Variants in TNIK observed in about 807,000 individuals in gnomAD.
TNIK encodes TRAF2 and NCK interacting kinase.
Under a neutral mutation model 191.3 loss-of-function variants are expected in TNIK, and 49 were observed. The observed-to-expected ratio is 0.26, with a 90% CI of 0.20 to 0.32. TNIK has a LOEUF of 0.32. Among genes scored for constraint, TNIK ranks in the 10% least tolerant of loss-of-function variants. TNIK has a pLI of 1.00. For missense variants in TNIK, 1,155 were observed against 1,702.3 expected, an observed-to-expected ratio of 0.68 and a Z score of 5.66; for synonymous variants, 594 against 600.9, an observed-to-expected ratio of 0.99 and a Z score of 0.17.
At chr3:171,163,053 A>G (rs943884490) in intron 10 of TNIK, among the ~76,000 whole-genome samples, 5 of 152,150 alleles carry the variant, frequency 3.3e-5, no homozygotes, top group African/African-American at 9.7e-5. Context: ...GGAAAAGGAC[A>G]CTCTAAGCAA....
intron 1 of TNIK, among the ~76,000 whole-genome samples, chr3:171,379,242 AT>A (rs1213139305): frequency 1.3e-5 from 2 of 152,222 alleles, no homozygotes; most frequent in East Asian, 3.8e-4. Flanking sequence ...GTTCAAAATT[AT>A]TTCCTTACAG....
intron 12 of TNIK, among the ~76,000 whole-genome samples, chr3:171,146,168 G>A (rs1409086018): frequency 6.6e-6 from 1 of 152,178 alleles, no homozygotes; most frequent in African/African-American, 2.4e-5. Flanking sequence ...AGCGCTGGAT[G>A]CCATGTTGTG....
intron 2 of TNIK, among the ~76,000 whole-genome samples, chr3:171,347,978 C>T (rs576779121): frequency 4.5e-4 from 68 of 150,676 alleles, no homozygotes; most frequent in Admixed American, 1.6e-3. Context: ...TGTGTAGATT[C>T]TTCTACCATC....
intron 23 of TNIK, among the ~76,000 whole-genome samples, 184 bp from the exon 24 acceptor site, chr3:171,087,690 A>T (rs1721549605): frequency 1.3e-5 from 2 of 152,228 alleles, no homozygotes; most frequent in Admixed American, 1.3e-4. Context: ...GCCAATATTT[A>T]GTTTATGGAT....
At chr3:171,222,618 T>C (rs1742495055) in intron 3 of TNIK, among the ~76,000 whole-genome samples, 1 of 152,158 alleles carries the variant, frequency 6.6e-6, no homozygotes, top group African/African-American at 2.4e-5. Context: ...TGAAAAGATT[T>C]TTCTTTTCTT....
chr3:171,229,190 A>T (rs897874053), intron 2 of TNIK, among the ~76,000 whole-genome samples: 1 of 152,208 alleles, frequency 6.6e-6, no homozygotes, highest in Admixed American at 6.5e-5. Flanking sequence ...CATGTATACA[A>T]AGTACTTGAC....
At chr3:171,335,608 T>C (rs1379475573) in intron 2 of TNIK, among the ~76,000 whole-genome samples, 1 of 152,242 alleles carries the variant, frequency 6.6e-6, no homozygotes, top group Non-Finnish European at 1.5e-5. Flanking sequence ...AGCTCATTCA[T>C]TTTTATTGTT....
rs573695892 is a variant in TNIK at position 171,161,603 on chromosome 3, T to A, written c.950-267A>T. ...TTAAAAAATAATTTTTTAATTTTTT[T>A]ATTAATTTAATTTCAATTAAAAATA... is the stretch of plus-strand genomic sequence containing the variant. On this transcript the variant is annotated intron_variant, in intron 10 of 32. Coordinates refer to ENST00000436636, the MANE Select transcript of TNIK (RefSeq NM_015028.4). Among the ~76,000 whole-genome samples, 7 of 152,316 alleles carry A rather than the reference T, an allele frequency of 4.6e-5. No homozygotes were observed. The East Asian group carries it at 1.2e-3, about 25-fold the overall frequency.
intron 6 of TNIK, among the ~76,000 whole-genome samples, chr3:171,190,015 T>A (rs7374969): frequency 6.6e-6 from 1 of 152,320 alleles, no homozygotes; most frequent in South Asian, 2.1e-4. Flanking sequence ...GGACAGCGAT[T>A]CTTTTCTAGA....
At chr3:171,307,556 C>CT (rs1454079800) in intron 2 of TNIK, among the ~76,000 whole-genome samples, 2 of 152,126 alleles carry the variant, frequency 1.3e-5, no homozygotes, top group Non-Finnish European at 1.5e-5. Flanking sequence ...AGTTTTCTTA[C>CT]TTTTTTACCA....
Position 171,110,792 on chromosome 3 carries a change from G to C in TNIK, c.2206C>G (p.Pro736Ala), listed in dbSNP as rs373165373. ...CCTTGGGAGCTGGGCTGGGAGCTAG[G>C]GGTGCTGGAGCTGGAGGAACTGCCA... ...SSGSSSSSST[P>A]SSQPSSQGGS... Residue 736 changes from proline (P) to alanine (A), a missense_variant, in exon 19 of 33, where the codon CCT (proline) becomes GCT (alanine). Physicochemically the swap from Pro to Ala is conservative, Grantham distance 27. Coordinates refer to ENST00000436636, the MANE Select transcript of TNIK (RefSeq NM_015028.4). The C allele has an allele frequency of 2.5e-6, 4 of 1,604,162 alleles. No homozygotes were observed. Among genetic ancestry groups the C allele is most frequent in the African/African-American group, 1.3e-5 (1 of 74,760 alleles).
intron 16 of TNIK, among the ~76,000 whole-genome samples, chr3:171,127,938 A>G (rs759904681): frequency 2.6e-5 from 4 of 152,130 alleles, no homozygotes; most frequent in Non-Finnish European, 4.4e-5. Flanking sequence ...AAACTACATT[A>G]TTTTTCATGG....
At chr3:171,275,502 TTAC>T (rs1412988176) in intron 2 of TNIK, among the ~76,000 whole-genome samples, 2 of 152,122 alleles carry the variant, frequency 1.3e-5, no homozygotes, top group African/African-American at 4.8e-5. Flanking sequence ...AGAAAAAATC[TTAC>T]TAATAGAAAA....
At chr3:171,354,800 C>T (rs573065734) in intron 2 of TNIK, among the ~76,000 whole-genome samples, 1 of 152,176 alleles carries the variant, frequency 6.6e-6, no homozygotes, top group Non-Finnish European at 1.5e-5. Context: ...AGAGGTAACA[C>T]CATGATGCAT....
At chr3:171,395,610 G>A (rs1484303831) in intron 1 of TNIK, among the ~76,000 whole-genome samples, 1 of 152,116 alleles carries the variant, frequency 6.6e-6, no homozygotes, top group East Asian at 1.9e-4. Context: ...TCCATAGAAA[G>A]ACATTTGATA....
In TNIK at chr3:171,194,639, G is replaced by A. The variant is rs768487528; in HGVS notation, c.307-4C>T. ...CACCACAAAACTCCATCACCAACTG[G>A]CAAAGGAAGCAAACAAGCCATTATT... On this transcript the variant is annotated splice_polypyrimidine_tract_variant and splice_region_variant and intron_variant, in intron 4 of 32. Transcript: ENST00000436636. 6.2e-7 allele frequency: 1 copy of A among 1,611,670 alleles called. No homozygotes were observed. Among genetic ancestry groups the A allele is most frequent in the Non-Finnish European group, 8.5e-7 (1 of 1,178,580 alleles).
At chr3:171,256,926 G>A (rs908487528) in intron 2 of TNIK, among the ~76,000 whole-genome samples, 1 of 152,254 alleles carries the variant, frequency 6.6e-6, no homozygotes, top group Non-Finnish European at 1.5e-5. Flanking sequence ...AACATCAGGA[G>A]CAGAATAACT....
chr3:171,232,066 C>T (rs557600913), intron 2 of TNIK, among the ~76,000 whole-genome samples: 8 of 152,086 alleles, frequency 5.3e-5, no homozygotes, highest in Admixed American at 3.3e-4. Flanking sequence ...GGCAGTGCAA[C>T]GAAGGGGATG....
intron 23 of TNIK, among the ~76,000 whole-genome samples, chr3:171,091,602 G>A (rs1049145018): frequency 4.6e-5 from 7 of 152,124 alleles, no homozygotes; most frequent in African/African-American, 1.7e-4. Context: ...ATTTAGCTGG[G>A]CGTGCACCCG....
Sources: gnomAD v4.1 joint callset for allele counts (sites outside exome capture counted in the v4.1 genomes callset) on GRCh38, gnomAD v4.1.1 for gene constraint, MANE v1.5 for transcripts, NCBI Gene and HGNC (gene_info 2026-07-23, HGNC 2026-07-21) for gene names.